CAMKMT: variants seen among roughly 807,000 people sequenced by gnomAD.
The protein encoded by CAMKMT is calmodulin-lysine N-methyltransferase.
A neutral mutation model predicts 48.0 loss-of-function variants in CAMKMT; 53 were observed. The observed-to-expected ratio is 1.10, with a 90% CI of 0.89 to 1.39. CAMKMT has a LOEUF of 1.39. CAMKMT is among the 40% of genes most tolerant of loss of function. The probability of loss-of-function intolerance (pLI) is 0.00; values close to 1 mark genes in which losing one functional copy is unlikely to be tolerated. For synonymous variants in CAMKMT, 165 were observed against 152.3 expected (o/e 1.08, Z -0.61); for missense variants, 428 against 402.7 (o/e 1.06, Z -0.54).
intron 3 of CAMKMT, among the ~76,000 whole-genome samples, chr2:44,487,786 C>A (rs1481342021): frequency 1.3e-5 from 2 of 152,216 alleles, no homozygotes; most frequent in African/African-American, 2.4e-5. Context: ...TAGAAATTCC[C>A]ACAGTTCTCA....
At chr2:44,517,925 C>A (rs1030599666) in intron 3 of CAMKMT, among the ~76,000 whole-genome samples, 7 of 152,150 alleles carry the variant, frequency 4.6e-5, no homozygotes, top group Admixed American at 1.3e-4. Context: ...TTTTTCAATA[C>A]CCCGTCTCCA....
intron 7 of CAMKMT, among the ~76,000 whole-genome samples, chr2:44,724,742 G>A (rs1002643216): frequency 1.3e-5 from 2 of 152,166 alleles, no homozygotes; most frequent in African/African-American, 2.4e-5. Context: ...AAAGGGGAAA[G>A]TTGTATAGAT....
intron 3 of CAMKMT, among the ~76,000 whole-genome samples, chr2:44,587,540 G>C (rs1241929579): frequency 1.4e-5 from 2 of 142,882 alleles, no homozygotes. Flanking sequence ...AAGCTGGACG[G>C]TACTGCTGCC....
intron 3 of CAMKMT, among the ~76,000 whole-genome samples, chr2:44,622,257 T>A (rs1187299380): frequency 6.6e-6 from 1 of 152,222 alleles, no homozygotes; most frequent in Non-Finnish European, 1.5e-5. Context: ...CTGGTGTCTT[T>A]TTAGCTTTTA....
At chr2:44,445,918 T>C (rs1067409) in intron 3 of CAMKMT, among the ~76,000 whole-genome samples, 121,232 of 151,880 alleles carry the variant, frequency 0.8, 48,825 homozygotes, top group African/African-American at 0.9. Context: ...TTAGATAGGC[T>C]TCTGACTGCC....
intron 3 of CAMKMT, among the ~76,000 whole-genome samples, chr2:44,536,467 G>T (rs1666778200): frequency 6.6e-6 from 1 of 151,694 alleles, no homozygotes; most frequent in Non-Finnish European, 1.5e-5. Context: ...TGGGATTATA[G>T]GTGCCCGCCA....
intron 3 of CAMKMT, among the ~76,000 whole-genome samples, chr2:44,434,497 A>G (rs1200338388): frequency 6.6e-6 from 1 of 152,154 alleles, no homozygotes; most frequent in African/African-American, 2.4e-5. Context: ...TTCATTGACA[A>G]TCTGACCTAA....
At chr2:44,577,669 G>A (rs1443992978) in intron 3 of CAMKMT, among the ~76,000 whole-genome samples, 3 of 137,532 alleles carry the variant, frequency 2.2e-5, no homozygotes, top group Non-Finnish European at 1.6e-5. Flanking sequence ...GAGGGAGAGG[G>A]AGAGGGAGAC....
At chr2:44,674,191 G>C (rs1269649117) in intron 3 of CAMKMT, among the ~76,000 whole-genome samples, 5 of 152,162 alleles carry the variant, frequency 3.3e-5, no homozygotes, top group Non-Finnish European at 7.4e-5. Context: ...GAGTCAACTA[G>C]AATATAGTCA....
intron 7 of CAMKMT, among the ~76,000 whole-genome samples, chr2:44,730,466 A>T (rs1679022604): frequency 6.6e-6 from 1 of 152,200 alleles, no homozygotes; most frequent in Non-Finnish European, 1.5e-5. Context: ...CTACTTGAGG[A>T]ACATGTCCTC....
At chr2:44,562,915 C>G (rs1668401623) in intron 3 of CAMKMT, among the ~76,000 whole-genome samples, 1 of 152,172 alleles carries the variant, frequency 6.6e-6, no homozygotes, top group African/African-American at 2.4e-5. Flanking sequence ...TCAAGAGGAC[C>G]TTACTCTCTC....
chr2:44,526,114 T>G (rs1383013710), intron 3 of CAMKMT, among the ~76,000 whole-genome samples: 3 of 152,050 alleles, frequency 2.0e-5, no homozygotes, highest in African/African-American at 7.2e-5. Flanking sequence ...TTGGAAATCA[T>G]CATTCTCAGG....
At chr2:44,568,683 A>G (rs977195167) in intron 3 of CAMKMT, among the ~76,000 whole-genome samples, 1 of 152,140 alleles carries the variant, frequency 6.6e-6, no homozygotes, top group African/African-American at 2.4e-5. Flanking sequence ...CCATGAGGGC[A>G]CCTCATGGAC....
At chr2:44,602,142 A>G (rs1464619123) in intron 3 of CAMKMT, among the ~76,000 whole-genome samples, 1 of 151,992 alleles carries the variant, frequency 6.6e-6, no homozygotes, top group African/African-American at 2.4e-5. Flanking sequence ...AGTAGCTGGG[A>G]CTACAGGTGC....
In CAMKMT at chr2:44,505,566, G is replaced by A. The variant is rs149012426; in HGVS notation, c.376+115261G>A. 2.4e-3 allele frequency among the ~76,000 whole-genome samples: 373 copies of A among 152,254 alleles called. 2 individuals are homozygous for A. The highest frequency in any genetic ancestry group is 3.8e-3 in the Non-Finnish European group (258 of 68,028). ...CAGTTTGAGTTAATTTTTTGTATAAGGTGGGAGTTTTTGGTGAAGATTCAC... is the reference window on the plus strand; with the variant it reads ...CAGTTTGAGTTAATTTTTTGTATAAAGTGGGAGTTTTTGGTGAAGATTCAC... On this transcript the variant is annotated intron_variant, in intron 3 of 10. Coordinates refer to ENST00000378494, the MANE Select transcript of CAMKMT (RefSeq NM_024766.5).
chr2:44,490,456 G>T (rs567450013), intron 3 of CAMKMT, among the ~76,000 whole-genome samples: 1 of 152,102 alleles, frequency 6.6e-6, no homozygotes, highest in Admixed American at 6.5e-5. Flanking sequence ...TGTATTTTTA[G>T]TAGAGATGGG....
intron 3 of CAMKMT, among the ~76,000 whole-genome samples, chr2:44,547,859 G>A (rs1667489541): frequency 6.6e-6 from 1 of 152,160 alleles, no homozygotes; most frequent in Middle Eastern, 3.4e-3. Flanking sequence ...CAAAAGGGAG[G>A]GCAAGTTTTG....
intron 3 of CAMKMT, among the ~76,000 whole-genome samples, chr2:44,472,721 T>A (rs1418492819): frequency 6.6e-6 from 1 of 152,126 alleles, no homozygotes. Context: ...AAATTATGCA[T>A]CCCAGAAAAT....
intron 3 of CAMKMT, among the ~76,000 whole-genome samples, chr2:44,544,669 A>G (rs902122700): frequency 6.6e-6 from 1 of 152,214 alleles, no homozygotes; most frequent in Non-Finnish European, 1.5e-5. Context: ...GAGGAAAAAT[A>G]TCAATCTTTA....
Sources: allele counts gnomAD v4.1 joint callset (sites outside exome capture counted in the v4.1 genomes callset), GRCh38; gene constraint gnomAD v4.1.1; transcripts MANE v1.5; gene names NCBI Gene and HGNC (gene_info 2026-07-23, HGNC 2026-07-21).